The following SLC43A2 variants were observed in gnomAD, a reference collection of about 807,000 sequenced individuals.
The protein encoded by SLC43A2 is large neutral amino acids transporter small subunit 4.
Under a neutral mutation model 63.2 loss-of-function variants are expected in SLC43A2, and 38 were observed. The ratio of observed to expected loss-of-function variants is 0.60; its 90% CI spans 0.46 to 0.79. The LOEUF (loss-of-function observed/expected upper bound fraction) is 0.79. SLC43A2 is among the 30% of genes least tolerant of loss of function. SLC43A2 has a pLI of 0.00. For missense variants in SLC43A2, 644 were observed against 756.2 expected, an observed-to-expected ratio of 0.85 and a Z score of 1.74; for synonymous variants, 322 against 331.0, an observed-to-expected ratio of 0.97 and a Z score of 0.30.
At chr17:1,617,472 C>A (rs1907784881) in intron 2 of SLC43A2, among the ~76,000 whole-genome samples, 2 of 152,046 alleles carry the variant, frequency 1.3e-5, no homozygotes, top group South Asian at 4.1e-4. Flanking sequence ...CTCACTGCAA[C>A]CTCCGCCTCC....
In SLC43A2 at chr17:1,572,022, C is replaced by G. The variant is rs1045681320; in HGVS notation, c.*3582G>C. The stretch of plus-strand genomic sequence containing the variant: ...GAGGATGAGGGGCAGACGGGAGGCC[C>G]GGCCACTGGTGCCTGCTCCTTTGAT... On this transcript the variant is annotated 3_prime_UTR_variant, in exon 14 of 14. Coordinates refer to ENST00000301335, the MANE Select transcript of SLC43A2 (RefSeq NM_152346.3). 6.6e-6 allele frequency: 1 copy of G among 152,556 alleles called. No individual in the cohort carries two copies. Among genetic ancestry groups the G allele is most frequent in the Admixed American group, 6.5e-5 (1 of 15,292 alleles). 9.5% of individuals were successfully genotyped at this position (152,556 alleles called of 1,614,324 possible). A position where few individuals can be genotyped will look rare whatever the true frequency, so the allele number is the denominator to read the frequency against.
chr17:1,605,218 A>C lies in SLC43A2; in HGVS notation c.501+7977T>G. Reference sequence around the variant, plus strand: ...TGCCTCCACGCAGCCTCAGTCACACAGGGAAGCCCGTGACTCTCTCTCTTT... The same window carrying C: ...TGCCTCCACGCAGCCTCAGTCACACCGGGAAGCCCGTGACTCTCTCTCTTT... On this transcript the variant is annotated intron_variant, in intron 5 of 13. Transcript: ENST00000301335. This position sits in a 1 kb window ranked among gnomAD's most constrained non-coding sequence, Gnocchi z 4.9. 8.1e-6 allele frequency: 9 copies of C among 1,113,142 alleles called. No individual in the cohort carries two copies. The highest frequency in any genetic ancestry group is 9.9e-6 in the Non-Finnish European group (9 of 905,596). 69.0% of individuals were successfully genotyped at this position (1,113,142 alleles called of 1,614,324 possible). A position where few individuals can be genotyped will look rare whatever the true frequency, so the allele number is the denominator to read the frequency against.
At chr17:1,612,902 G>C (rs1056527809) in intron 5 of SLC43A2, among the ~76,000 whole-genome samples, 1 of 152,010 alleles carries the variant, frequency 6.6e-6, no homozygotes, top group Non-Finnish European at 1.5e-5. Flanking sequence ...AACCTGGGAC[G>C]CGGAGGTTGC....
At chr17:1,605,000 G>T in intron 5 of SLC43A2, 1 of 1,440,176 alleles carries the variant, frequency 6.9e-7, no homozygotes, top group South Asian at 1.4e-5. Context: ...CTGGCGGAGG[G>T]GAAGGACCCC....
intron 11 of SLC43A2, among the ~76,000 whole-genome samples, chr17:1,582,771 G>A (rs1300089798): frequency 6.6e-6 from 1 of 152,128 alleles, no homozygotes; most frequent in Non-Finnish European, 1.5e-5. Context: ...TCGGTTGAGT[G>A]GAATGAATGA....
rs2075877197 is a variant in SLC43A2 at position 1,573,523 on chromosome 17, T to C, written c.*2081A>G. On this transcript the variant is annotated 3_prime_UTR_variant, in exon 14 of 14. Transcript: ENST00000301335. ...AACAGGCTTGACTTTTAACTCAGCC[T>C]TTCCCAAACTTGACTATAATACTTT... 1 of 152,262 alleles carries C rather than the reference T, an allele frequency of 6.6e-6. No individual in the cohort carries two copies. Among genetic ancestry groups the C allele is most frequent in the African/African-American group, 2.4e-5 (1 of 41,460 alleles). 9.4% of individuals were successfully genotyped at this position (152,262 alleles called of 1,614,324 possible). A position where few individuals can be genotyped will look rare whatever the true frequency, so the allele number is the denominator to read the frequency against.
chr17:1,587,857 G>C (rs546662662), intron 9 of SLC43A2, among the ~76,000 whole-genome samples: 1 of 152,228 alleles, frequency 6.6e-6, no homozygotes, highest in Non-Finnish European at 1.5e-5. Context: ...AGGGGGTGGG[G>C]GTGCAGGGGG....
At position 1,615,014 on chromosome 17, in the gene SLC43A2, C is replaced by T. The variant is rs752029150; in HGVS notation, c.389G>A (p.Cys130Tyr). 6.2e-7 allele frequency: 1 copy of T among 1,614,032 alleles called. No individual in the cohort carries two copies. The highest frequency in any genetic ancestry group is 1.1e-5 in the South Asian group (1 of 91,080). The change falls in exon 4 of 14, where the codon TGC becomes TAC. Residue 130 changes from cysteine to tyrosine, a missense_variant. Physicochemically the swap from Cys to Tyr is radical, Grantham distance 194 (BLOSUM62 -2). Transcript: ENST00000301335. ...LLGSACFAVS[C>Y]LLIAYGASKP... ...ACTTGCTCCGTACGCAATCAGCAAG[C>T]AGGAAACCGCGAAGCAGGCGCTAAA...
At chr17:1,628,998 A>C (rs1567656100), upstream of SLC43A2, 1 of 150,182 alleles carries the variant, frequency 6.7e-6, no homozygotes, top group Admixed American at 6.6e-5. Context: ...CTCGGAGACA[A>C]ACAAGAGAGA....
rs1906592462 is a variant in SLC43A2, at chr17:1,606,137, C to T, written c.501+7058G>A. Among the ~76,000 whole-genome samples, 1 of 151,576 alleles carries T rather than the reference C, an allele frequency of 6.6e-6. No homozygotes were observed. Among genetic ancestry groups the T allele is most frequent in the Non-Finnish European group, 1.5e-5 (1 of 68,000 alleles). ...CCGCTCACCAGGCACCTAGACCCTC[C>T]AGAGCTGGCCGGGGGCCACCGCGGG... On this transcript the variant is annotated intron_variant, in intron 5 of 13. Coordinates refer to ENST00000301335, the MANE Select transcript of SLC43A2 (RefSeq NM_152346.3). This position sits in a 1 kb window ranked among gnomAD's most constrained non-coding sequence, Gnocchi z 4.7.
chr17:1,597,597 C>A (rs559867544), intron 5 of SLC43A2, among the ~76,000 whole-genome samples: 1 of 151,290 alleles, frequency 6.6e-6, no homozygotes, highest in African/African-American at 2.4e-5. Context: ...GTCAGGAGTT[C>A]GAGACCAGCC....
intron 3 of SLC43A2, among the ~76,000 whole-genome samples, chr17:1,615,819 G>C (rs924217132): frequency 7.0e-6 from 1 of 142,238 alleles, no homozygotes; most frequent in Non-Finnish European, 1.5e-5. Context: ...CTCTAGCCTG[G>C]GCGACAGAGG....
At chr17:1,615,755 A>G (rs1907580979) in intron 3 of SLC43A2, among the ~76,000 whole-genome samples, 1 of 149,350 alleles carries the variant, frequency 6.7e-6, no homozygotes, top group African/African-American at 2.4e-5. Flanking sequence ...AGGCAGGAGA[A>G]TAGCGTGAAC....
At chr17:1,594,226 G>A (rs1448072747) in intron 5 of SLC43A2, among the ~76,000 whole-genome samples, 3 of 152,262 alleles carry the variant, frequency 2.0e-5, no homozygotes, top group Non-Finnish European at 4.4e-5. Flanking sequence ...AGCAAGGTCC[G>A]GGCTCTCTTC....
At chr17:1,616,255 A>G in intron 3 of SLC43A2, 1 of 369,982 alleles carries the variant, frequency 2.7e-6, no homozygotes, top group Non-Finnish European at 4.9e-6. Flanking sequence ...CACACATGCG[A>G]GGGAAACCCC....
In SLC43A2 at chr17:1,606,916, G is replaced by C. The variant is rs1567637434; in HGVS notation, c.501+6279C>G. Among the ~76,000 whole-genome samples the C allele has an allele frequency of 6.6e-6, 1 of 152,360 alleles. No individual in the cohort carries two copies. The highest frequency in any genetic ancestry group is 1.9e-4 in the East Asian group (1 of 5,186). ...CCCCTCGGAGCCTCCACTTGGGAGG[G>C]AAATACCACCATGGGTGCCGACCTC... On this transcript the variant is annotated intron_variant, in intron 5 of 13. Transcript: ENST00000301335. The surrounding 1 kb of genome is among the most constrained non-coding windows in gnomAD (Gnocchi z 4.7).
intron 5 of SLC43A2, among the ~76,000 whole-genome samples, chr17:1,602,821 C>T (rs1426084501): frequency 7.2e-6 from 1 of 138,468 alleles, no homozygotes; most frequent in Non-Finnish European, 1.5e-5. Context: ...TGCAATGGTG[C>T]AATCTCGGCT....
intron 9 of SLC43A2, chr17:1,586,928 T>TTGCC: frequency 7.3e-6 from 9 of 1,232,900 alleles, no homozygotes; most frequent in Non-Finnish European, 1.0e-5. Flanking sequence ...TCCCTGACAA[T>TTGCC]CCCCCCCACC....
In SLC43A2 at chr17:1,592,940, C is replaced by T. The variant is rs938848404; in HGVS notation, c.594+247G>A. ...GAAACAGACTCACCCACCGCCCTTCCCCTGCCCCAGCCCCGAAATGCAAAG... is the reference window on the plus strand; with the variant it reads ...GAAACAGACTCACCCACCGCCCTTCTCCTGCCCCAGCCCCGAAATGCAAAG... On this transcript the variant is annotated intron_variant, in intron 6 of 13. Coordinates refer to ENST00000301335, the MANE Select transcript of SLC43A2 (RefSeq NM_152346.3). Among the ~76,000 whole-genome samples, 7 of 152,184 alleles carry T rather than the reference C, an allele frequency of 4.6e-5. No homozygotes were observed. In the East Asian group the frequency reaches 7.7e-4, roughly 17 times the overall value.
Sources: gnomAD v4.1 joint callset for allele counts (sites outside exome capture counted in the v4.1 genomes callset) on GRCh38, gnomAD v4.1.1 for gene constraint, Gnocchi (gnomAD v3.1) non-coding constraint, MANE v1.5 for transcripts, NCBI Gene and HGNC (gene_info 2026-07-23, HGNC 2026-07-21) for gene names.